The following IMPA1 variants were observed in gnomAD, a reference collection of about 807,000 sequenced individuals.
The protein encoded by IMPA1 is inositol monophosphatase 1, also known as D-galactose 1-phosphate phosphatase.
IMPA1 carries 21 observed loss-of-function variants against 34.9 expected under a neutral mutation model. That is an observed-to-expected ratio of 0.60 (90% CI 0.43 to 0.87). The LOEUF (loss-of-function observed/expected upper bound fraction) is 0.87. Among genes scored for constraint, IMPA1 ranks in the 40% least tolerant of loss-of-function variants. The pLI is 0.00. For missense variants in IMPA1, 299 were observed against 336.4 expected (o/e 0.89, Z 0.87); for synonymous variants, 95 against 104.4 (o/e 0.91, Z 0.55).
chr8:81,674,000 CT>C (rs759615303), intron 5 of IMPA1, 51 bp from the exon 6 acceptor site: 1 of 1,104,918 alleles, frequency 9.1e-7, no homozygotes, highest in East Asian at 2.4e-5. Flanking sequence ...GTTTCATCCA[CT>C]TTTTTCTAAG....
chr8:81,667,029 C>T (rs552590425), intron 7 of IMPA1, among the ~76,000 whole-genome samples: 6 of 152,004 alleles, frequency 3.9e-5, no homozygotes, highest in African/African-American at 1.4e-4. Flanking sequence ...ACACAGCTTC[C>T]ACCTACATAA....
chr8:81,681,582 T>C lies in IMPA1; in HGVS notation c.-22A>G. ...CCATCTTCTGAAAATATTTGACAAATATCTGTACAAAGTAGTTATAACTGT... is the reference window on the plus strand; with the variant it reads ...CCATCTTCTGAAAATATTTGACAAACATCTGTACAAAGTAGTTATAACTGT... On this transcript the variant is annotated splice_region_variant and 5_prime_UTR_variant, in exon 2 of 9. In the 5' UTR this introduces an upstream ATG that the reference lacks. Transcript: ENST00000256108. 6.4e-7 allele frequency: 1 copy of C among 1,567,200 alleles called. No individual in the cohort carries two copies. Among genetic ancestry groups the C allele is most frequent in the South Asian group, 1.1e-5 (1 of 90,102 alleles).
At chr8:81,680,582 T>C in intron 3 of IMPA1, 68 bp downstream of exon 3, 1 of 1,195,994 alleles carries the variant, frequency 8.4e-7, no homozygotes, top group Non-Finnish European at 1.2e-6. Flanking sequence ...GTCAAGCTAC[T>C]CTCATATGCA....
intron 7 of IMPA1, among the ~76,000 whole-genome samples, chr8:81,662,040 T>C (rs1806696053): frequency 6.6e-6 from 1 of 152,224 alleles, no homozygotes; most frequent in Non-Finnish European, 1.5e-5. Context: ...ACATCCTTTA[T>C]GCCAAATAAA....
chr8:81,676,676 A>G (rs1414671937), intron 4 of IMPA1, among the ~76,000 whole-genome samples: 1 of 152,224 alleles, frequency 6.6e-6, no homozygotes, highest in East Asian at 1.9e-4. Context: ...TTCTATGAAT[A>G]TAGTAGCTAT....
chr8:81,676,322 G>T, intron 4 of IMPA1, 43 bp from the exon 5 acceptor site: 3 of 957,330 alleles, frequency 3.1e-6, no homozygotes, highest in East Asian at 2.7e-5. Flanking sequence ...AACCAACATA[G>T]AACTTTTGTT....
At position 81,657,063 on chromosome 8, in the gene IMPA1, G is replaced by A. The variant is rs551599101; in HGVS notation, c.*2288C>T. On this transcript the variant is annotated 3_prime_UTR_variant, in exon 9 of 9. Transcript: ENST00000256108. ...AGTCTAAGAAGTCCTGTTACTCAAA[G>A]AAATATTTTCAAATATTATTAGATA... 1.8e-4 allele frequency among the ~76,000 whole-genome samples: 27 copies of A among 152,210 alleles called. No individual in the cohort carries two copies. Among genetic ancestry groups the A allele is most frequent in the African/African-American group, 6.0e-4 (25 of 41,532 alleles).
chr8:81,660,591 C>T lies in IMPA1; in HGVS notation c.643G>A (p.Gly215Arg). The change falls in exon 8 of 9, where the codon GGA becomes AGA. Residue 215 changes from glycine to arginine, a missense_variant. Gly to Arg is a moderately radical substitution (Grantham distance 125). Coordinates refer to ENST00000256108, the MANE Select transcript of IMPA1 (RefSeq NM_005536.4). ...CCTGCAACATCCCAGCAGTGAATTC[C>T]CATTTCATAATATGCATCTGCTCCG... The part of the protein sequence containing the change: ...TGGADAYYEM[G>R]IHCWDVAGAG... The T allele has an allele frequency of 6.2e-7, 1 of 1,613,720 alleles. No homozygotes were observed. Among genetic ancestry groups the T allele is most frequent in the Non-Finnish European group, 8.5e-7 (1 of 1,179,706 alleles).
chr8:81,685,198 T>A (rs993798030), intron 1 of IMPA1, among the ~76,000 whole-genome samples: 3 of 135,650 alleles, frequency 2.2e-5, no homozygotes, highest in Non-Finnish European at 4.6e-5. Context: ...TACATAAGTA[T>A]ATTTAGATAC....
intron 5 of IMPA1, among the ~76,000 whole-genome samples, chr8:81,675,219 T>C (rs1346610923): frequency 1.3e-5 from 2 of 152,134 alleles, no homozygotes; most frequent in African/African-American, 4.8e-5. Flanking sequence ...AGCTGTTCTT[T>C]CTGATTAAAA....
intron 7 of IMPA1, among the ~76,000 whole-genome samples, chr8:81,666,218 A>G (rs1465036612): frequency 6.6e-6 from 1 of 152,230 alleles, no homozygotes; most frequent in Non-Finnish European, 1.5e-5. Flanking sequence ...GTAAGAAAAT[A>G]ATATTAAAGG....
intron 2 of IMPA1, among the ~76,000 whole-genome samples, chr8:81,681,262 A>G (rs1161892709): frequency 6.6e-6 from 1 of 152,182 alleles, no homozygotes; most frequent in Non-Finnish European, 1.5e-5. Context: ...ATGGTGGCTC[A>G]TGCCTGCTGT....
In IMPA1 at chr8:81,658,438, A is replaced by C. The variant is rs1387763367; in HGVS notation, c.*913T>G. The stretch of plus-strand genomic sequence containing the variant: ...TACAGTATATTTGCCAGCACAATCA[A>C]ATCAGTATAAACACCTTTAAAACAT... On this transcript the variant is annotated 3_prime_UTR_variant, in exon 9 of 9. Coordinates refer to ENST00000256108, the MANE Select transcript of IMPA1 (RefSeq NM_005536.4). The C allele has an allele frequency of 6.6e-6, 1 of 152,338 alleles. No individual in the cohort carries two copies. Among genetic ancestry groups the C allele is most frequent in the Non-Finnish European group, 1.5e-5 (1 of 68,022 alleles). 9.4% of individuals were successfully genotyped at this position (152,338 alleles called of 1,614,324 possible).
chr8:81,665,673 A>C (rs769020225), intron 7 of IMPA1, among the ~76,000 whole-genome samples: 1 of 152,218 alleles, frequency 6.6e-6, no homozygotes, highest in Non-Finnish European at 1.5e-5. Flanking sequence ...TATATCCTTT[A>C]AAAACTGTTA....
Position 81,660,383 on chromosome 8 carries a change from T to C in IMPA1, c.718+133A>G, listed in dbSNP as rs1213607729. The C allele has an allele frequency of 9.5e-6, 6 of 632,716 alleles. No homozygotes were observed. The African/African-American group carries it at 1.1e-4, about 12-fold the overall frequency. 39.2% of individuals were successfully genotyped at this position (632,716 alleles called of 1,614,324 possible). On this transcript the variant is annotated intron_variant, in intron 8 of 8. Coordinates refer to ENST00000256108, the MANE Select transcript of IMPA1 (RefSeq NM_005536.4). ...TATCTCCTAAAGCTTATTTTGATTT[T>C]GCACACAATTATATAGCTTGTTTCT... is the stretch of plus-strand genomic sequence containing the variant.
intron 6 of IMPA1, among the ~76,000 whole-genome samples, chr8:81,672,791 C>G (rs1167381491): frequency 6.6e-6 from 1 of 152,200 alleles, no homozygotes; most frequent in African/African-American, 2.4e-5. Context: ...ATATATGTCT[C>G]ATTTTCAGTG....
At chr8:81,659,632 A>G (rs1466214083) in intron 8 of IMPA1, among the ~76,000 whole-genome samples, 166 bp from the exon 9 acceptor site, 2 of 152,216 alleles carry the variant, frequency 1.3e-5, no homozygotes, top group Non-Finnish European at 2.9e-5. Flanking sequence ...TAGACAATAT[A>G]TAACTGTTTC....
At position 81,659,313 on chromosome 8, in the gene IMPA1, G is replaced by A. The variant is rs1181648499; in HGVS notation, c.*38C>T. ...ATCCATTGATGAGTCACCAAATCTGGGGAAAAGCAACTGGGATTGACTATG... is the reference window on the plus strand; with the variant it reads ...ATCCATTGATGAGTCACCAAATCTGAGGAAAAGCAACTGGGATTGACTATG... On this transcript the variant is annotated 3_prime_UTR_variant, in exon 9 of 9. Transcript: ENST00000256108. The A allele has an allele frequency of 8.6e-7, 1 of 1,161,576 alleles. No individual in the cohort carries two copies. The allele number at this position is 1,161,576 out of a possible 1,614,324, so 72.0% of individuals were successfully genotyped here. A position where few individuals can be genotyped will look rare whatever the true frequency, so the allele number is the denominator to read the frequency against.
At chr8:81,679,443 T>C (rs1018364457) in intron 3 of IMPA1, among the ~76,000 whole-genome samples, 4 of 151,960 alleles carry the variant, frequency 2.6e-5, no homozygotes, top group African/African-American at 9.7e-5. Context: ...TGAAACCCCA[T>C]CTCTATTAAA....
Sources: allele counts gnomAD v4.1 joint callset (sites outside exome capture counted in the v4.1 genomes callset), GRCh38; gene constraint gnomAD v4.1.1; transcripts MANE v1.5; gene names NCBI Gene and HGNC (gene_info 2026-07-23, HGNC 2026-07-21).